The following DTNA variants were observed in gnomAD, a reference collection of about 807,000 sequenced individuals.
DTNA encodes dystrophin-related protein 3.
In DTNA, 43 loss-of-function variants were observed where a neutral mutation model predicts 100.7. That is an observed-to-expected ratio of 0.43 (90% confidence interval 0.33 to 0.55). The LOEUF (loss-of-function observed/expected upper bound fraction) is 0.55. Among genes scored for constraint, DTNA ranks in the 20% least tolerant of loss-of-function variants. The pLI is 0.04. For missense variants in DTNA, 798 were observed against 953.9 expected, an observed-to-expected ratio of 0.84 and a Z score of 2.15; for synonymous variants, 349 against 347.9, an observed-to-expected ratio of 1.00 and a Z score of -0.04.
intron 7 of DTNA, among the ~76,000 whole-genome samples, chr18:34,816,651 A>C (rs993637159): frequency 6.6e-6 from 1 of 152,172 alleles, no homozygotes; most frequent in African/African-American, 2.4e-5. Context: ...CCTCCATCTA[A>C]TCTTTAGGTG....
intron 1 of DTNA, among the ~76,000 whole-genome samples, chr18:34,697,348 G>A (rs2080718369): frequency 6.6e-6 from 1 of 152,172 alleles, no homozygotes; most frequent in Admixed American, 6.5e-5. Flanking sequence ...AGGTCACTGT[G>A]CTTCTTTCTT....
In DTNA at chr18:34,888,521, T is replaced by A; in HGVS notation, c.*787T>A. On this transcript the variant is annotated 3_prime_UTR_variant, in exon 23 of 23. Coordinates refer to ENST00000444659, the MANE Select transcript of DTNA (RefSeq NM_001386795.1). ...TACTCTAATCAGCCATAGAATTTAG[T>A]GTAAATATTTTTTTTTCCAAATAGA... 1 of 985,774 alleles carries A rather than the reference T, an allele frequency of 1.0e-6. No individual in the cohort carries two copies. The highest frequency in any genetic ancestry group is 1.2e-6 in the Non-Finnish European group (1 of 829,872). The allele number at this position is 985,774 out of a possible 1,614,324, so 61.1% of individuals were successfully genotyped here.
At chr18:34,707,908 T>C (rs1260967777), upstream of DTNA, among the ~76,000 whole-genome samples, 1 of 152,128 alleles carries the variant, frequency 6.6e-6, no homozygotes, top group East Asian at 1.9e-4. Context: ...CGCTGAAGGA[T>C]TTTTCAAGGT....
intron 2 of DTNA, among the ~76,000 whole-genome samples, chr18:34,762,755 C>G (rs891732687): frequency 6.6e-6 from 1 of 152,138 alleles, no homozygotes; most frequent in Non-Finnish European, 1.5e-5. Context: ...TCACCACATC[C>G]CTTTTAATAT....
intron 4 of DTNA, among the ~76,000 whole-genome samples, chr18:34,804,939 A>T (rs79503714): frequency 0.015 from 2,243 of 152,310 alleles, 30 homozygotes; most frequent in Non-Finnish European, 0.023. Flanking sequence ...TAAGGAACAA[A>T]ACCACGATTA....
At chr18:34,809,011 G>A (rs989522367) in intron 5 of DTNA, among the ~76,000 whole-genome samples, 3 of 152,294 alleles carry the variant, frequency 2.0e-5, no homozygotes, top group Middle Eastern at 3.4e-3. Flanking sequence ...ATCCTGGGAA[G>A]ATGGTTTTAG....
At chr18:34,629,423 T>TA (rs2057777481) in intron 1 of DTNA, among the ~76,000 whole-genome samples, 1 of 152,174 alleles carries the variant, frequency 6.6e-6, no homozygotes, top group Admixed American at 6.6e-5. Flanking sequence ...CCTTTTATCT[T>TA]ACTTTCTTTT....
chr18:34,800,989 C>A (rs1294632967), intron 4 of DTNA, among the ~76,000 whole-genome samples: 1 of 151,592 alleles, frequency 6.6e-6, no homozygotes, highest in Non-Finnish European at 1.5e-5. Flanking sequence ...CAGTTTCTCA[C>A]TTCTTTATTA....
intron 11 of DTNA, 36 bp from the exon 12 acceptor site, chr18:34,838,058 T>G (rs1205849061): frequency 1.9e-6 from 3 of 1,604,568 alleles, no homozygotes; most frequent in Non-Finnish European, 2.6e-6. Context: ...ATTGCCGTGT[T>G]TACGCTCTTC....
At chr18:34,763,848 C>T (rs2093329089) in intron 2 of DTNA, among the ~76,000 whole-genome samples, 1 of 152,058 alleles carries the variant, frequency 6.6e-6, no homozygotes, top group South Asian at 2.1e-4. Flanking sequence ...AAACAGTATA[C>T]CTGAAATGGC....
At chr18:34,708,139 T>A (rs1300420860), upstream of DTNA, 1 of 152,230 alleles carries the variant, frequency 6.6e-6, no homozygotes, top group Non-Finnish European at 1.5e-5. Flanking sequence ...GGGATTTTAA[T>A]GCTAATTTTC....
At chr18:34,688,951 A>C (rs8097818) in intron 1 of DTNA, among the ~76,000 whole-genome samples, 3 of 151,862 alleles carry the variant, frequency 2.0e-5, no homozygotes, top group Non-Finnish European at 4.4e-5. Context: ...TGATATTTGT[A>C]TATGCTTCAC....
chr18:34,555,300 G>A (rs2045910585), intron 1 of DTNA, among the ~76,000 whole-genome samples: 2 of 148,474 alleles, frequency 1.3e-5, no homozygotes, highest in Admixed American at 1.3e-4. Context: ...CGGTCTATCA[G>A]TTTTGTTGAT....
chr18:34,889,288 A>G lies in DTNA; in HGVS notation c.*1554A>G. ...CAAGCAGCATCTGCAACACTTAGGAAGGTCTTCGAAATACTAATTTGTAAG... is the reference window on the plus strand; with the variant it reads ...CAAGCAGCATCTGCAACACTTAGGAGGGTCTTCGAAATACTAATTTGTAAG... On this transcript the variant is annotated 3_prime_UTR_variant, in exon 23 of 23. Coordinates refer to ENST00000444659, the MANE Select transcript of DTNA (RefSeq NM_001386795.1). 1 of 983,640 alleles carries G rather than the reference A, an allele frequency of 1.0e-6. No homozygotes were observed. Among genetic ancestry groups the G allele is most frequent in the Non-Finnish European group, 1.2e-6 (1 of 828,342 alleles). 60.9% of individuals were successfully genotyped at this position (983,640 alleles called of 1,614,324 possible).
intron 3 of DTNA, among the ~76,000 whole-genome samples, chr18:34,766,602 A>G (rs1008979656): frequency 1.3e-5 from 2 of 152,158 alleles, no homozygotes; most frequent in African/African-American, 2.4e-5. Context: ...CAGCACACCA[A>G]CATGGCACAT....
chr18:34,765,964 C>G lies in DTNA; in HGVS notation c.71C>G (p.Ala24Gly). The G allele has an allele frequency of 6.2e-7, 1 of 1,613,772 alleles. No individual in the cohort carries two copies. The highest frequency in any genetic ancestry group is 1.3e-5 in the African/African-American group (1 of 75,032). Reference protein sequence around the residue: ...ERRQLFAEMRAQDLDRIRLST... With the variant: ...ERRQLFAEMRGQDLDRIRLST... ...GTGTCCTTTTTCCCCGCACTAGGGG[C>G]TCAAGATCTGGATCGCATCCGACTC... Residue 24 changes from alanine to glycine, a missense_variant, in exon 3 of 23, where the codon GCT (alanine) becomes GGT (glycine). Around this residue, in one of 6 missense-constraint regions of DTNA, gnomAD observed 197 missense variants for 215.4 expected, o/e 0.91. Transcript: ENST00000444659.
At chr18:34,849,437 C>G (rs2096441940) in intron 14 of DTNA, among the ~76,000 whole-genome samples, 1 of 152,006 alleles carries the variant, frequency 6.6e-6, no homozygotes, top group South Asian at 2.1e-4. Context: ...AATGTGTGTC[C>G]CAGCTCTCCA....
In DTNA at chr18:34,815,889, T is replaced by TG. The variant is rs753722534; in HGVS notation, c.604-14dup. 1 of 1,601,972 alleles carries TG rather than the reference T, an allele frequency of 6.2e-7. No individual in the cohort carries two copies. Among genetic ancestry groups the TG allele is most frequent in the Non-Finnish European group, 8.6e-7 (1 of 1,169,096 alleles). ...GAGATGATTCTCTGTCCTAAATTTA[T>TG]GGGGGGTTTTTTTATGCAGAAAAAA... On this transcript the variant is annotated intron_variant, in intron 6 of 22. Transcript: ENST00000444659.
chr18:34,665,729 C>G (rs1281792769), intron 1 of DTNA, among the ~76,000 whole-genome samples: 2 of 152,104 alleles, frequency 1.3e-5, no homozygotes, highest in Non-Finnish European at 2.9e-5. Context: ...TAGCTTCATC[C>G]ATGTCCCTAC....
Sources: gnomAD v4.1 joint callset for allele counts (sites outside exome capture counted in the v4.1 genomes callset) on GRCh38, gnomAD v4.1.1 for gene constraint, gnomAD v4.1.1 regional missense constraint, MANE v1.5 for transcripts, NCBI Gene and HGNC (gene_info 2026-07-23, HGNC 2026-07-21) for gene names.